FNDC1: variants seen among roughly 807,000 people sequenced by gnomAD.
The protein encoded by FNDC1 is fibronectin type III domain-containing protein 1.
In FNDC1, 96 loss-of-function variants were observed where a neutral mutation model predicts 168.0. The observed-to-expected ratio is 0.57, with a 90% CI of 0.48 to 0.68. The LOEUF (loss-of-function observed/expected upper bound fraction) is 0.68, where lower values mean the gene tolerates loss of function less well. Among genes scored for constraint, FNDC1 ranks in the 30% least tolerant of loss-of-function variants. The probability of loss-of-function intolerance (pLI) is 0.00; values close to 1 mark genes in which losing one functional copy is unlikely to be tolerated. For missense variants in FNDC1, 2,587 were observed against 2,482.1 expected (o/e 1.04, Z -0.90); for synonymous variants, 1,099 against 1,025.9 (o/e 1.07, Z -1.36).
At chr6:159,218,553 A>G (rs1034674012) in intron 5 of FNDC1, 1 of 152,142 alleles carries the variant, frequency 6.6e-6, no homozygotes. Context: ...CTTATCCTGC[A>G]TGGGATTTTC....
At chr6:159,187,337 G>C (rs1583855915) in intron 1 of FNDC1, among the ~76,000 whole-genome samples, 1 of 152,304 alleles carries the variant, frequency 6.6e-6, no homozygotes, top group South Asian at 2.1e-4. Context: ...TTGCCTTGAT[G>C]TTCCTCTGAC....
intron 1 of FNDC1, among the ~76,000 whole-genome samples, chr6:159,184,554 G>C (rs573432848): frequency 5.7e-4 from 86 of 152,128 alleles, no homozygotes; most frequent in Non-Finnish European, 1.0e-3. Context: ...GGTCATGTCT[G>C]TCTCATTCAC....
intron 13 of FNDC1, 85 bp from the exon 14 acceptor site, chr6:159,239,431 GC>G: frequency 8.4e-7 from 1 of 1,193,606 alleles, no homozygotes; most frequent in Non-Finnish European, 1.2e-6. Context: ...TAATACATAA[GC>G]TTTGAGAAGA....
chr6:159,225,747 A>G (rs1177716460), intron 8 of FNDC1, 25 bp downstream of exon 8: 5 of 1,552,272 alleles, frequency 3.2e-6, no homozygotes, highest in Non-Finnish European at 4.4e-6. Flanking sequence ...TGGCCTTTGA[A>G]TTTTCAATTT....
intron 1 of FNDC1, among the ~76,000 whole-genome samples, chr6:159,190,238 G>A (rs1782105111): frequency 6.6e-6 from 1 of 152,224 alleles, no homozygotes; most frequent in Non-Finnish European, 1.5e-5. Flanking sequence ...TGTTCAGGGA[G>A]CTTCCAAGGA....
At chr6:159,207,917 T>C (rs923242950) in intron 4 of FNDC1, among the ~76,000 whole-genome samples, 1 of 152,226 alleles carries the variant, frequency 6.6e-6, no homozygotes, top group Non-Finnish European at 1.5e-5. Context: ...CTCCTTCTCT[T>C]CGCTTAGAGG....
At chr6:159,240,000 T>C in intron 14 of FNDC1, 43 bp downstream of exon 14, 1 of 1,444,048 alleles carries the variant, frequency 6.9e-7, no homozygotes, top group Non-Finnish European at 9.2e-7. Context: ...CCAGGCACAC[T>C]AGCACGCCGC....
In FNDC1 at chr6:159,261,213, A is replaced by G. The variant is rs759498033; in HGVS notation, c.5198A>G (p.Gln1733Arg). Residue 1733 changes from glutamine to arginine, a missense_variant, in exon 19 of 23, where the codon CAA becomes CGA. Gln to Arg is a conservative substitution (Grantham distance 43, BLOSUM62 1). Transcript: ENST00000297267. The part of the protein sequence containing the change: ...NTRYYFKVQA[Q>R]NPHGYGPISP... Reference sequence around the variant, plus strand: ...AGGTATTATTTTAAAGTGCAAGCACAAAATCCTCATGGCTACGGACCTATC... The same window carrying G: ...AGGTATTATTTTAAAGTGCAAGCACGAAATCCTCATGGCTACGGACCTATC... 6.2e-7 allele frequency: 1 copy of G among 1,612,928 alleles called. No individual in the cohort carries two copies. Among genetic ancestry groups the G allele is most frequent in the Non-Finnish European group, 8.5e-7 (1 of 1,179,432 alleles).
intron 2 of FNDC1, among the ~76,000 whole-genome samples, chr6:159,199,382 T>G (rs1419666188): frequency 6.6e-6 from 1 of 152,170 alleles, no homozygotes; most frequent in Non-Finnish European, 1.5e-5. Context: ...ATGTCAAGAT[T>G]AGCATTTCCA....
chr6:159,241,398 G>A (rs947076703), intron 14 of FNDC1, among the ~76,000 whole-genome samples: 4 of 151,670 alleles, frequency 2.6e-5, no homozygotes, highest in African/African-American at 9.7e-5. Context: ...TATATTTTTG[G>A]ACTTTTATTT....
intron 22 of FNDC1, among the ~76,000 whole-genome samples, chr6:159,268,679 C>CATCT (rs886476874): frequency 6.7e-6 from 1 of 149,482 alleles, no homozygotes; most frequent in Non-Finnish European, 1.5e-5. Flanking sequence ...TCTCTCTATC[C>CATCT]ATCTATCTAT....
At position 159,239,795 on chromosome 6, in the gene FNDC1, C is replaced by A; in HGVS notation, c.4459C>A (p.Pro1487Thr). 1 of 1,545,146 alleles carries A rather than the reference C, an allele frequency of 6.5e-7. No individual in the cohort carries two copies. Among genetic ancestry groups the A allele is most frequent in the East Asian group, 2.4e-5 (1 of 40,840 alleles). The change falls in exon 14 of 23, where the codon CCA becomes ACA. Residue 1487 changes from proline (P) to threonine (T), a missense_variant. Coordinates refer to ENST00000297267, the MANE Select transcript of FNDC1 (RefSeq NM_032532.3). Reference sequence around the variant, plus strand: ...CACCCGCCGCACGACCACCAGGCGTCCAACAACCACAGTCCGAACCACTAC... The same window carrying A: ...CACCCGCCGCACGACCACCAGGCGTACAACAACCACAGTCCGAACCACTAC... ...TTTRRTTTRR[P>T]TTTVRTTTRT...
chr6:159,193,500 C>G (rs1269184380), intron 1 of FNDC1, among the ~76,000 whole-genome samples: 2 of 152,114 alleles, frequency 1.3e-5, no homozygotes, highest in East Asian at 3.9e-4. Context: ...GTGTGGGCAG[C>G]CCTGAGTGAG....
At chr6:159,238,184 GC>G in intron 12 of FNDC1, among the ~76,000 whole-genome samples, 1 of 149,888 alleles carries the variant, frequency 6.7e-6, no homozygotes, top group East Asian at 2.0e-4. Flanking sequence ...TGCAGGCTCT[GC>G]CTCCTGGGTT....
At chr6:159,264,842 C>A in intron 19 of FNDC1, 133 bp from the exon 20 acceptor site, 1 of 645,968 alleles carries the variant, frequency 1.5e-6, no homozygotes, top group Non-Finnish European at 2.6e-6. Flanking sequence ...CCAAGGAAAA[C>A]GTTGGCATCT....
At chr6:159,170,847 T>C (rs1781639695) in intron 1 of FNDC1, among the ~76,000 whole-genome samples, 1 of 152,198 alleles carries the variant, frequency 6.6e-6, no homozygotes. Flanking sequence ...TAGTGAACTC[T>C]AGGAAAGTAT....
chr6:159,240,243 T>G (rs1783390562), intron 14 of FNDC1, among the ~76,000 whole-genome samples: 1 of 152,258 alleles, frequency 6.6e-6, no homozygotes, highest in African/African-American at 2.4e-5. Flanking sequence ...TACTTGGTGA[T>G]GCTTATCACA....
Position 159,215,108 on chromosome 6 carries a change from T to C in FNDC1, c.624T>C (p.Val208=). 4 of 1,614,042 alleles carry C rather than the reference T, an allele frequency of 2.5e-6. No homozygotes were observed. The highest frequency in any genetic ancestry group is 3.4e-6 in the Non-Finnish European group (4 of 1,179,898). Residue 208 remains valine (V), a synonymous_variant, in exon 5 of 23, where the codon GTT becomes GTC. Transcript: ENST00000297267. ...AGAGTGGCCGGAAGATGAATTATGT[T>C]CCACTGACAAGAGATGAACGGACAC... ...YGESGRKMNY[V]PLTRDERTHE...
Position 159,215,061 on chromosome 6 carries a change from G to A in FNDC1, c.577G>A (p.Gly193Ser). 1 of 1,614,034 alleles carries A rather than the reference G, an allele frequency of 6.2e-7. No individual in the cohort carries two copies. The highest frequency in any genetic ancestry group is 8.5e-7 in the Non-Finnish European group (1 of 1,179,890). The change falls in exon 5 of 23, where the codon GGT becomes AGT. Residue 193 changes from glycine to serine, a missense_variant. Gly to Ser is a moderately conservative substitution (Grantham distance 56). Coordinates refer to ENST00000297267, the MANE Select transcript of FNDC1 (RefSeq NM_032532.3). Reference protein sequence around the residue: ...SGAKSPRRSRGFLLGYGESGR... With the variant: ...SGAKSPRRSRSFLLGYGESGR... ...AGCCAAGAGTCCACGCAGATCACGG[G>A]GTTTTCTCCTGGGCTACGGGGAGAG... is the stretch of plus-strand genomic sequence containing the variant.
Sources: allele counts gnomAD v4.1 joint callset (sites outside exome capture counted in the v4.1 genomes callset), GRCh38; gene constraint gnomAD v4.1.1; transcripts MANE v1.5; gene names NCBI Gene and HGNC (gene_info 2026-07-23, HGNC 2026-07-21).